Variants in FIRRM observed in about 807,000 individuals in gnomAD.
FIRRM encodes the protein FIGNL1 interacting regulator of recombination and mitosis.
chr1:169,788,568 G>A, the FIRRM span, among the ~76,000 whole-genome samples: 1 of 152,192 alleles, frequency 6.6e-6, no homozygotes, highest in Non-Finnish European at 1.5e-5. Flanking sequence ...GTCAAAAGGT[G>A]TATGTGGACT....
chr1:169,787,885 T>TTAC, the FIRRM span, among the ~76,000 whole-genome samples: 2 of 136,072 alleles, frequency 1.5e-5, no homozygotes, highest in African/African-American at 5.5e-5. Context: ...TTTTTTTTCA[T>TTAC]GTTGATCACT....
the FIRRM span, among the ~76,000 whole-genome samples, chr1:169,805,061 A>G: frequency 2.6e-5 from 4 of 152,268 alleles, no homozygotes; most frequent in Non-Finnish European, 5.9e-5. Flanking sequence ...ATTATGAACA[A>G]GAGTTTGAAA....
the FIRRM span, chr1:169,832,520 T>A: frequency 6.3e-7 from 1 of 1,582,700 alleles, no homozygotes. Flanking sequence ...AGGAAGGATA[T>A]CATCTTTGTC....
the FIRRM span, among the ~76,000 whole-genome samples, chr1:169,819,075 T>G: frequency 6.6e-6 from 1 of 152,206 alleles, no homozygotes; most frequent in Non-Finnish European, 1.5e-5. Flanking sequence ...TACAGCCTAA[T>G]AAGCAGGCAC....
the FIRRM span, among the ~76,000 whole-genome samples, chr1:169,812,303 C>G: frequency 1.3e-5 from 2 of 152,098 alleles, no homozygotes; most frequent in African/African-American, 4.8e-5. Flanking sequence ...TATTCTGTGC[C>G]AGGAAATGTT....
the FIRRM span, among the ~76,000 whole-genome samples, chr1:169,837,551 G>A: frequency 6.6e-6 from 1 of 152,212 alleles, no homozygotes; most frequent in East Asian, 1.9e-4. Context: ...ACTAGAAGAA[G>A]TAGGAAATGT....
chr1:169,840,636 G>A, the FIRRM span, among the ~76,000 whole-genome samples: 51 of 151,202 alleles, frequency 3.4e-4, no homozygotes, highest in African/African-American at 1.2e-3. Flanking sequence ...TCAGCCTCCC[G>A]AGTAGCTGGG....
At chr1:169,796,333 A>G in the FIRRM span, among the ~76,000 whole-genome samples, 1 of 152,258 alleles carries the variant, frequency 6.6e-6, no homozygotes, top group South Asian at 2.1e-4. Flanking sequence ...GAGACACGGA[A>G]CGTGATTCCT....
the FIRRM span, among the ~76,000 whole-genome samples, chr1:169,796,855 T>G: frequency 6.6e-6 from 1 of 152,364 alleles, no homozygotes; most frequent in Non-Finnish European, 1.5e-5. Context: ...ATTTGTTCTC[T>G]CAGCCTTTTG....
the FIRRM span, among the ~76,000 whole-genome samples, chr1:169,831,132 G>A: frequency 6.6e-6 from 1 of 151,876 alleles, no homozygotes; most frequent in Non-Finnish European, 1.5e-5. Flanking sequence ...TGATTTTGTT[G>A]TATTTTTTTT....
the FIRRM span, chr1:169,802,739 A>C: frequency 6.6e-7 from 1 of 1,510,464 alleles, no homozygotes; most frequent in Non-Finnish European, 9.2e-7. Context: ...AGTCAAATGT[A>C]TTAGAAAGCA....
the FIRRM span, chr1:169,796,044 C>G: frequency 2.3e-6 from 2 of 877,888 alleles, no homozygotes; most frequent in Non-Finnish European, 2.7e-6. Context: ...TACAATTACA[C>G]TCAAAAGAAA....
chr1:169,798,833 A>T, the FIRRM span: 2 of 797,870 alleles, frequency 2.5e-6, no homozygotes, highest in East Asian at 6.8e-5. Flanking sequence ...CTTAAATTTC[A>T]AAAGGGTTTT....
chr1:169,806,085 T>A, the FIRRM span: 3 of 1,566,386 alleles, frequency 1.9e-6, no homozygotes, highest in Non-Finnish European at 1.7e-6. Context: ...AAGTTTATAA[T>A]TAAGTAAGTT....
At chr1:169,836,146 ACTT>A in the FIRRM span, among the ~76,000 whole-genome samples, 3 of 148,578 alleles carry the variant, frequency 2.0e-5, no homozygotes, top group African/African-American at 7.5e-5. Context: ...GAATTATTCT[ACTT>A]CTTAGAAAAT....
the FIRRM span, among the ~76,000 whole-genome samples, chr1:169,789,423 A>C: frequency 6.6e-6 from 1 of 152,218 alleles, no homozygotes. Context: ...ATCACATTTG[A>C]CACAGAGAAG....
the FIRRM span, among the ~76,000 whole-genome samples, chr1:169,846,480 A>G: frequency 6.6e-6 from 1 of 152,202 alleles, no homozygotes; most frequent in African/African-American, 2.4e-5. Flanking sequence ...TGTTTCCTCT[A>G]CATTAAAAAT....
At chr1:169,838,588 TA>T in the FIRRM span, among the ~76,000 whole-genome samples, 2 of 151,976 alleles carry the variant, frequency 1.3e-5, no homozygotes, top group Non-Finnish European at 2.9e-5. Flanking sequence ...CTCCTGGGCT[TA>T]AGCGATTATC....
the FIRRM span, chr1:169,851,927 ATCT>A: frequency 6.2e-7 from 1 of 1,613,990 alleles, no homozygotes; most frequent in Non-Finnish European, 8.5e-7. Flanking sequence ...CAAAGAGGTC[ATCT>A]TTACAGGTAT....
Sources: allele counts gnomAD v4.1 joint callset (sites outside exome capture counted in the v4.1 genomes callset), GRCh38; gene constraint gnomAD v4.1.1; transcripts MANE v1.5; gene names NCBI Gene and HGNC (gene_info 2026-07-23, HGNC 2026-07-21).